The following CCSER1 variants were observed in gnomAD, a reference collection of about 807,000 sequenced individuals.
CCSER1 encodes the protein coiled-coil serine rich protein 1, also known as serine-rich coiled-coil domain-containing protein 1.
Under a neutral mutation model 82.0 loss-of-function variants are expected in CCSER1, and 41 were observed. The observed-to-expected ratio is 0.50, with a 90% confidence interval of 0.39 to 0.65. CCSER1 has a LOEUF of 0.65. Ranked by LOEUF, CCSER1 falls within the 30% of genes least tolerant of loss-of-function variation. CCSER1 has a pLI of 0.00. For synonymous variants in CCSER1, 414 were observed against 383.9 expected, an observed-to-expected ratio of 1.08 and a Z score of -0.92; for missense variants, 1,119 against 1,064.2, an observed-to-expected ratio of 1.05 and a Z score of -0.72.
At chr4:90,505,111 A>G (rs546270709) in intron 5 of CCSER1, among the ~76,000 whole-genome samples, 1 of 152,378 alleles carries the variant, frequency 6.6e-6, no homozygotes, top group South Asian at 2.1e-4. Flanking sequence ...AGCAAAGACT[A>G]CAAACACGAT....
chr4:90,946,993 ATCC>A (rs150529470), intron 9 of CCSER1, among the ~76,000 whole-genome samples: 6,242 of 152,270 alleles, frequency 0.041, 187 homozygotes, highest in Non-Finnish European at 0.064. Context: ...TGGTGGAACA[ATCC>A]TCCTCTGTTA....
chr4:91,356,892 A>G (rs1355832225), intron 10 of CCSER1, among the ~76,000 whole-genome samples: 1 of 152,146 alleles, frequency 6.6e-6, no homozygotes, highest in Admixed American at 6.5e-5. Flanking sequence ...AGGCTGTAGA[A>G]TCCTGGAAAA....
rs142721736 is a variant in CCSER1 at position 90,513,817 on chromosome 4, T to C, written c.1724+45463T>C. ...AATTGAGAAGGTGTGAGGGACATGA[T>C]GGACAACTACAAAGATGAGGAGCGG... On this transcript the variant is annotated intron_variant, in intron 5 of 10. Coordinates refer to ENST00000509176, the MANE Select transcript of CCSER1 (RefSeq NM_001145065.2). Among the ~76,000 whole-genome samples the C allele has an allele frequency of 4.2e-4, 64 of 152,274 alleles. 2 individuals are homozygous for C. In the East Asian group the frequency reaches 0.012, roughly 28 times the overall value.
chr4:91,534,724 C>T (rs919436367), intron 10 of CCSER1, among the ~76,000 whole-genome samples: 9 of 151,816 alleles, frequency 5.9e-5, no homozygotes, highest in African/African-American at 1.9e-4. Context: ...TGACATATCT[C>T]TTTAAATTTT....
intron 7 of CCSER1, chr4:90,724,720 TA>T (rs1743319641): frequency 5.9e-6 from 2 of 340,060 alleles, no homozygotes; most frequent in Non-Finnish European, 1.2e-5. Flanking sequence ...ATGATGTACT[TA>T]AGTGCACTGA....
intron 8 of CCSER1, among the ~76,000 whole-genome samples, chr4:90,852,734 C>T (rs1190112398): frequency 6.6e-6 from 1 of 152,102 alleles, no homozygotes; most frequent in Non-Finnish European, 1.5e-5. Flanking sequence ...TGAAGTAGGA[C>T]AATTAATTGA....
chr4:91,092,170 C>T (rs999046926), intron 10 of CCSER1, among the ~76,000 whole-genome samples: 6 of 152,272 alleles, frequency 3.9e-5, no homozygotes, highest in Middle Eastern at 3.4e-3. Flanking sequence ...TCCACCTTTC[C>T]GGAACTGTGA....
rs1560929917 is a variant in CCSER1, at chr4:90,276,255, C to CTTTCT, written c.-41-31987_-41-31986insTCTTT. Among the ~76,000 whole-genome samples, 430 of 52,310 alleles carry CTTTCT rather than the reference C, an allele frequency of 8.2e-3. 4 individuals carry two copies. Among genetic ancestry groups the CTTTCT allele is most frequent in the Non-Finnish European group, 8.9e-3 (233 of 26,042 alleles). The allele number at this position is 52,310 out of a possible 152,430, so 34.3% of individuals were successfully genotyped here. A position where few individuals can be genotyped will look rare whatever the true frequency, so the allele number is the denominator to read the frequency against. ...CTTTCTTTCTTTCTTTCTTTCTTTC[C>CTTTCT]TTCCTTCCTTCCTTCCTTCCTTCCT... On this transcript the variant is annotated intron_variant, in intron 1 of 10. Coordinates refer to ENST00000509176, the MANE Select transcript of CCSER1 (RefSeq NM_001145065.2).
intron 10 of CCSER1, among the ~76,000 whole-genome samples, chr4:91,418,570 T>C (rs1316702868): frequency 6.6e-6 from 1 of 151,848 alleles, no homozygotes; most frequent in East Asian, 1.9e-4. Flanking sequence ...GTAAGGAGAT[T>C]GAATCAGTAA....
At chr4:90,129,186 A>G (rs1722395416) in intron 1 of CCSER1, among the ~76,000 whole-genome samples, 1 of 151,822 alleles carries the variant, frequency 6.6e-6, no homozygotes, top group Non-Finnish European at 1.5e-5. Context: ...GTACACGTTT[A>G]AAGTAAAGCT....
intron 10 of CCSER1, among the ~76,000 whole-genome samples, chr4:91,304,078 C>T (rs1321076428): frequency 6.6e-6 from 1 of 151,808 alleles, no homozygotes; most frequent in Non-Finnish European, 1.5e-5. Flanking sequence ...TATATTAAAC[C>T]ATCTTTTGCT....
intron 10 of CCSER1, among the ~76,000 whole-genome samples, chr4:91,231,692 A>G (rs1262713591): frequency 1.3e-5 from 2 of 151,836 alleles, no homozygotes; most frequent in East Asian, 1.9e-4. Context: ...GGATAGTTAT[A>G]TATATAAAGT....
At chr4:91,527,485 G>C (rs1370118227) in intron 10 of CCSER1, among the ~76,000 whole-genome samples, 1 of 152,146 alleles carries the variant, frequency 6.6e-6, no homozygotes, top group Non-Finnish European at 1.5e-5. Context: ...AGGCTATTGT[G>C]ATAGCCAAAT....
intron 7 of CCSER1, chr4:90,782,017 A>G (rs751344514): frequency 9.6e-6 from 8 of 831,528 alleles, no homozygotes; most frequent in African/African-American, 1.9e-5. Context: ...ATTTTCCTAA[A>G]TAGATTTAGT....
chr4:90,231,428 A>G (rs1744520470), intron 1 of CCSER1, among the ~76,000 whole-genome samples: 1 of 151,006 alleles, frequency 6.6e-6, no homozygotes, highest in African/African-American at 2.5e-5. Flanking sequence ...ACAACCCTTC[A>G]TGCTAAAAAC....
chr4:90,616,777 T>C (rs994039675), intron 5 of CCSER1, among the ~76,000 whole-genome samples: 1 of 150,810 alleles, frequency 6.6e-6, no homozygotes, highest in African/African-American at 2.4e-5. Flanking sequence ...GAAAAAATGT[T>C]TTAGGTTAAA....
At chr4:90,822,744 A>G (rs887366641) in intron 8 of CCSER1, among the ~76,000 whole-genome samples, 4 of 151,810 alleles carry the variant, frequency 2.6e-5, no homozygotes, top group Non-Finnish European at 4.4e-5. Context: ...AAAAAAAAAA[A>G]AAAAAGTTTC....
intron 10 of CCSER1, among the ~76,000 whole-genome samples, chr4:91,154,642 T>C (rs781620644): frequency 6.6e-6 from 1 of 152,056 alleles, no homozygotes; most frequent in African/African-American, 2.4e-5. Flanking sequence ...ACTGGAGCTC[T>C]TCCTATTTGG....
rs80076738 is a variant in CCSER1 at position 91,203,510 on chromosome 4, C to T, written c.2217+117516C>T. Among the ~76,000 whole-genome samples, 967 of 151,112 alleles carry T rather than the reference C, an allele frequency of 6.4e-3. 9 individuals carry two copies. Among genetic ancestry groups the T allele is most frequent in the Middle Eastern group, 0.01 (3 of 292 alleles). On this transcript the variant is annotated intron_variant, in intron 10 of 10. Coordinates refer to ENST00000509176, the MANE Select transcript of CCSER1 (RefSeq NM_001145065.2). ...CTAGAGGAATTAGATAGATAATAAA[C>T]ACACACACACACATACATGTGTCTG...
Sources: gnomAD v4.1 joint callset for allele counts (sites outside exome capture counted in the v4.1 genomes callset) on GRCh38, gnomAD v4.1.1 for gene constraint, MANE v1.5 for transcripts, NCBI Gene and HGNC (gene_info 2026-07-23, HGNC 2026-07-21) for gene names.